The following SHC2 variants were observed in gnomAD, a reference collection of about 807,000 sequenced individuals.
SHC2 encodes the protein SHC-transforming protein 2.
A neutral mutation model predicts 60.6 loss-of-function variants in SHC2; 62 were observed. The observed-to-expected ratio is 1.02, with a 90% confidence interval of 0.83 to 1.26. The LOEUF is 1.26. Ranked by LOEUF, SHC2 falls within the 50% of genes most tolerant of loss-of-function variation. The pLI is 0.00. For missense variants in SHC2, 873 were observed against 822.2 expected (o/e 1.06, Z -0.76); for synonymous variants, 375 against 372.4 (o/e 1.01, Z -0.08).
chr19:421,412 A>AAAAAAAAAAG (rs1974269079), intron 11 of SHC2, among the ~76,000 whole-genome samples: 7 of 144,602 alleles, frequency 4.8e-5, no homozygotes, highest in African/African-American at 1.8e-4. Context: ...AAAAAAAAAA[A>AAAAAAAAAAG]AAAAGAAAAG....
intron 1 of SHC2, among the ~76,000 whole-genome samples, chr19:458,160 G>T (rs1475393591): frequency 1.4e-5 from 2 of 147,008 alleles, no homozygotes; most frequent in Non-Finnish European, 3.0e-5. Context: ...ACGGAAGCGG[G>T]TTCCGGGGAG....
chr19:440,938 G>A lies in SHC2; in HGVS notation c.469-6C>T, dbSNP rs756859077. 1.2e-6 allele frequency: 2 copies of A among 1,612,128 alleles called. No individual in the cohort carries two copies. Among genetic ancestry groups the A allele is most frequent in the Admixed American group, 1.7e-5 (1 of 60,014 alleles). The stretch of plus-strand genomic sequence containing the variant: ...ACCTCGATGCAGCCCATGTACTGAG[G>A]GGAGAGAACAGGTGTCAGATGCCAT... On this transcript the variant is annotated splice_polypyrimidine_tract_variant and splice_region_variant and intron_variant, in intron 1 of 12. Coordinates refer to ENST00000264554, the MANE Select transcript of SHC2 (RefSeq NM_012435.3). This position sits in a 1 kb window ranked among gnomAD's most constrained non-coding sequence, Gnocchi z 7.0.
rs1031255390 is a variant in SHC2 at position 440,157 on chromosome 19, G to A, written c.539+705C>T. The stretch of plus-strand genomic sequence containing the variant: ...GCGTGTGATCCCATTGCTATGAAAT[G>A]TCCAGGACAGGCCGATCCACAGAGA... On this transcript the variant is annotated intron_variant, in intron 2 of 12. Coordinates refer to ENST00000264554, the MANE Select transcript of SHC2 (RefSeq NM_012435.3). This position sits in a 1 kb window ranked among gnomAD's most constrained non-coding sequence, Gnocchi z 7.0. 5.3e-5 allele frequency among the ~76,000 whole-genome samples: 8 copies of A among 151,842 alleles called. No individual in the cohort carries two copies. Among genetic ancestry groups the A allele is most frequent in the African/African-American group, 1.9e-4 (8 of 41,410 alleles).
chr19:428,450 T>A (rs1057059025), intron 9 of SHC2, among the ~76,000 whole-genome samples: 1 of 152,170 alleles, frequency 6.6e-6, no homozygotes, highest in African/African-American at 2.4e-5. Flanking sequence ...GATGTAACCA[T>A]GAGGAAGTCT....
chr19:441,265 G>T lies in SHC2; in HGVS notation c.469-333C>A. 1 of 661,290 alleles carries T rather than the reference G, an allele frequency of 1.5e-6. No homozygotes were observed. The highest frequency in any genetic ancestry group is 1.9e-6 in the Non-Finnish European group (1 of 537,414). The allele number at this position is 661,290 out of a possible 1,614,324, so 41.0% of individuals were successfully genotyped here. On this transcript the variant is annotated intron_variant, in intron 1 of 12. Coordinates refer to ENST00000264554, the MANE Select transcript of SHC2 (RefSeq NM_012435.3). The surrounding 1 kb of genome is among the most constrained non-coding windows in gnomAD (Gnocchi z 4.9). Reference sequence around the variant, plus strand: ...TCCACCAGCACCGAAGCCGAGGAGCGTGGGGATGGTGCGATCCTGAGCACT... The same window carrying T: ...TCCACCAGCACCGAAGCCGAGGAGCTTGGGGATGGTGCGATCCTGAGCACT...
chr19:438,913 T>A lies in SHC2; in HGVS notation c.600+57A>T. ...AGGGGCTCCCAGGATGGCCGCAGCG[T>A]CCCCACAGCCCCCGACTGCCCCACC... On this transcript the variant is annotated intron_variant, in intron 3 of 12. Transcript: ENST00000264554. The surrounding 1 kb of genome is among the most constrained non-coding windows in gnomAD (Gnocchi z 5.0). 1.3e-6 allele frequency: 2 copies of A among 1,555,138 alleles called. No homozygotes were observed. The highest frequency in any genetic ancestry group is 1.4e-5 in the African/African-American group (1 of 73,172).
chr19:429,261 C>T (rs942146340), intron 9 of SHC2, among the ~76,000 whole-genome samples: 1 of 145,222 alleles, frequency 6.9e-6, no homozygotes, highest in African/African-American at 2.6e-5. Flanking sequence ...CCAACATGCA[C>T]GGAAACCTCA....
chr19:419,171 G>A (rs939590587), intron 11 of SHC2, 115 bp from the exon 12 acceptor site: 2 of 1,223,868 alleles, frequency 1.6e-6, no homozygotes, highest in African/African-American at 3.1e-5. Flanking sequence ...CATGGACGAG[G>A]GGCCGGACCA....
Position 438,694 on chromosome 19 carries a change from G to C in SHC2, c.720+24C>G. The C allele has an allele frequency of 6.5e-7, 1 of 1,548,004 alleles. No homozygotes were observed. Among genetic ancestry groups the C allele is most frequent in the Non-Finnish European group, 8.7e-7 (1 of 1,146,718 alleles). On this transcript the variant is annotated intron_variant, in intron 4 of 12. Transcript: ENST00000264554. The surrounding 1 kb of genome is among the most constrained non-coding windows in gnomAD (Gnocchi z 5.0). ...CTGGCCCCTCTGGGGGTCTGGGGACGCCAGGCGAAGAGGGCAGACCCACCT... is the reference window on the plus strand; with the variant it reads ...CTGGCCCCTCTGGGGGTCTGGGGACCCCAGGCGAAGAGGGCAGACCCACCT...
At chr19:428,200 G>C (rs1047494962) in intron 9 of SHC2, among the ~76,000 whole-genome samples, 8 of 152,172 alleles carry the variant, frequency 5.3e-5, no homozygotes, top group African/African-American at 1.9e-4. Flanking sequence ...CCTCCAACCT[G>C]GGCGACAAAG....
At position 438,931 on chromosome 19, in the gene SHC2, G is replaced by A. The variant is rs369259868; in HGVS notation, c.600+39C>T. On this transcript the variant is annotated intron_variant, in intron 3 of 12. Transcript: ENST00000264554. This position sits in a 1 kb window ranked among gnomAD's most constrained non-coding sequence, Gnocchi z 5.0. ...CGCAGCGTCCCCACAGCCCCCGACT[G>A]CCCCACCAGCCCCACGAGAGACCAC... The A allele has an allele frequency of 5.7e-4, 894 of 1,569,062 alleles. 3 individuals are homozygous for A. The highest frequency in any genetic ancestry group is 1.7e-3 in the Middle Eastern group (10 of 6,026).
At chr19:451,469 G>A (rs185199485) in intron 1 of SHC2, among the ~76,000 whole-genome samples, 62 of 152,374 alleles carry the variant, frequency 4.1e-4, no homozygotes, top group African/African-American at 1.5e-3. Flanking sequence ...CCTTTGGGCT[G>A]CTGGGAGTTA....
chr19:441,102 A>G lies in SHC2; in HGVS notation c.469-170T>C. ...TCCCCCACCTCAAGGCCCAGCCTTGACACTGTCCTGCGAGCCGCCCCCTCT... is the reference window on the plus strand; with the variant it reads ...TCCCCCACCTCAAGGCCCAGCCTTGGCACTGTCCTGCGAGCCGCCCCCTCT... On this transcript the variant is annotated intron_variant, in intron 1 of 12. Transcript: ENST00000264554. This position sits in a 1 kb window ranked among gnomAD's most constrained non-coding sequence, Gnocchi z 4.9. The G allele has an allele frequency of 2.0e-6, 2 of 984,152 alleles. No individual in the cohort carries two copies. Among genetic ancestry groups the G allele is most frequent in the Middle Eastern group, 5.2e-4 (1 of 1,914 alleles). The allele number at this position is 984,152 out of a possible 1,614,324, so 61.0% of individuals were successfully genotyped here.
At chr19:444,319 G>A (rs1348552739) in intron 1 of SHC2, among the ~76,000 whole-genome samples, 3 of 152,150 alleles carry the variant, frequency 2.0e-5, no homozygotes, top group Admixed American at 6.5e-5. Context: ...GATGCTGGCT[G>A]CTCAATGGCT....
At chr19:420,564 C>G (rs1282306147) in intron 11 of SHC2, among the ~76,000 whole-genome samples, 1 of 152,206 alleles carries the variant, frequency 6.6e-6, no homozygotes, top group Non-Finnish European at 1.5e-5. Context: ...GCTTTAGAAG[C>G]TGGAGATTAC....
rs548729675 is a variant in SHC2, at chr19:458,842, G to A, written c.468+1687C>T. Among the ~76,000 whole-genome samples the A allele has an allele frequency of 4.6e-5, 7 of 151,452 alleles. No individual in the cohort carries two copies. The East Asian group carries it at 5.8e-4, about 13-fold the overall frequency. ...TCTTGGGGAGGCGGAAGAGGGTTCC[G>A]GGGAGGCGGAAGCGGGTCCTGGGGA... On this transcript the variant is annotated intron_variant, in intron 1 of 12. Coordinates refer to ENST00000264554, the MANE Select transcript of SHC2 (RefSeq NM_012435.3).
Position 457,407 on chromosome 19 carries a change from C to T in SHC2, c.468+3122G>A, listed in dbSNP as rs181409467. On this transcript the variant is annotated intron_variant, in intron 1 of 12. Coordinates refer to ENST00000264554, the MANE Select transcript of SHC2 (RefSeq NM_012435.3). ...GAACTATGTCTGCAAACCCCACGGC[C>T]GGGGTTTCCATGGCTCAGGTCTCAG... Among the ~76,000 whole-genome samples, 652 of 89,020 alleles carry T rather than the reference C, an allele frequency of 7.3e-3. 4 individuals carry two copies. Among genetic ancestry groups the T allele is most frequent in the African/African-American group, 0.038 (604 of 15,956 alleles). The allele number at this position is 89,020 out of a possible 152,430, so 58.4% of individuals were successfully genotyped here. A position where few individuals can be genotyped will look rare whatever the true frequency, so the allele number is the denominator to read the frequency against.
At chr19:450,556 T>C (rs775436714) in intron 1 of SHC2, among the ~76,000 whole-genome samples, 4 of 152,284 alleles carry the variant, frequency 2.6e-5, no homozygotes, top group Non-Finnish European at 4.4e-5. Context: ...CTGATGGCTC[T>C]GGGGACCTCT....
rs979794030 is a variant in SHC2 at position 440,206 on chromosome 19, G to A, written c.539+656C>T. Among the ~76,000 whole-genome samples the A allele has an allele frequency of 4.6e-5, 7 of 152,008 alleles. No homozygotes were observed. The highest frequency in any genetic ancestry group is 1.9e-4 in the East Asian group (1 of 5,172). Reference sequence around the variant, plus strand: ...GACAGGGAGGGGATGCGTGGGTGCCGGGGCTGGGGAGGGGACGGGGAGTGG... The same window carrying A: ...GACAGGGAGGGGATGCGTGGGTGCCAGGGCTGGGGAGGGGACGGGGAGTGG... On this transcript the variant is annotated intron_variant, in intron 2 of 12. Transcript: ENST00000264554. The surrounding 1 kb of genome is among the most constrained non-coding windows in gnomAD (Gnocchi z 7.0).
Sources: gnomAD v4.1 joint callset for allele counts (sites outside exome capture counted in the v4.1 genomes callset) on GRCh38, gnomAD v4.1.1 for gene constraint, Gnocchi (gnomAD v3.1) non-coding constraint, MANE v1.5 for transcripts, NCBI Gene and HGNC (gene_info 2026-07-23, HGNC 2026-07-21) for gene names.